The following XKR4 variants were observed in gnomAD, a reference collection of about 807,000 sequenced individuals.
XKR4 encodes the protein XK-related protein 4.
A neutral mutation model predicts 53.9 loss-of-function variants in XKR4; 12 were observed. The ratio of observed to expected loss-of-function variants is 0.22; its 90% CI spans 0.14 to 0.36. The LOEUF is 0.36. Ranked by LOEUF, XKR4 falls within the 10% of genes least tolerant of loss-of-function variation. XKR4 has a pLI of 1.00. For missense variants in XKR4, 799 were observed against 859.5 expected (o/e 0.93, Z 0.88); for synonymous variants, 354 against 362.4 (o/e 0.98, Z 0.26).
intron 2 of XKR4, among the ~76,000 whole-genome samples, chr8:55,407,795 T>G (rs1804709258): frequency 6.6e-6 from 1 of 152,250 alleles, no homozygotes; most frequent in African/African-American, 2.4e-5. Context: ...GCAGTCTCAT[T>G]GAATTTTCTT....
intron 2 of XKR4, among the ~76,000 whole-genome samples, chr8:55,516,923 C>T (rs979079453): frequency 6.6e-6 from 1 of 152,082 alleles, no homozygotes; most frequent in Non-Finnish European, 1.5e-5. Context: ...TACATGTACA[C>T]CATGGAAATA....
chr8:55,251,915 TC>T, intron 1 of XKR4, among the ~76,000 whole-genome samples: 1 of 152,374 alleles, frequency 6.6e-6, no homozygotes, highest in African/African-American at 2.4e-5. Context: ...TAACTTTTTA[TC>T]ATGCATTTGT....
At chr8:55,225,799 A>G (rs1371894342) in intron 1 of XKR4, among the ~76,000 whole-genome samples, 1 of 152,256 alleles carries the variant, frequency 6.6e-6, no homozygotes, top group Non-Finnish European at 1.5e-5. Context: ...ACAGGCGCCA[A>G]CCAGTGAGTG....
intron 2 of XKR4, among the ~76,000 whole-genome samples, chr8:55,449,155 G>GATTGATTT (rs1554526544): frequency 2.0e-5 from 3 of 150,052 alleles, no homozygotes; most frequent in South Asian, 4.2e-4. Context: ...ATTTATTCTA[G>GATTGATTT]ATTTATTTAT....
chr8:55,503,205 G>A (rs888888340), intron 2 of XKR4, among the ~76,000 whole-genome samples: 33 of 151,872 alleles, frequency 2.2e-4, no homozygotes, highest in African/African-American at 7.7e-4. Flanking sequence ...ATTTTAGGAT[G>A]GATTTTTCTA....
intron 1 of XKR4, among the ~76,000 whole-genome samples, chr8:55,113,176 T>A (rs144358865): frequency 2.1e-4 from 32 of 152,254 alleles, no homozygotes; most frequent in African/African-American, 7.2e-4. Context: ...AAGGTTGGGA[T>A]CAAATGAGAA....
At chr8:55,519,881 T>C (rs756471017) in intron 2 of XKR4, among the ~76,000 whole-genome samples, 1 of 152,180 alleles carries the variant, frequency 6.6e-6, no homozygotes, top group Non-Finnish European at 1.5e-5. Context: ...GAGAGGGCAA[T>C]GATAAAGTCA....
intron 1 of XKR4, among the ~76,000 whole-genome samples, chr8:55,288,528 G>A (rs1008188824): frequency 2.6e-5 from 4 of 152,168 alleles, no homozygotes; most frequent in South Asian, 2.1e-4. Flanking sequence ...CTACTAGTAT[G>A]CCAGATAATA....
chr8:55,136,758 A>C (rs1316332041), intron 1 of XKR4, among the ~76,000 whole-genome samples: 1 of 152,234 alleles, frequency 6.6e-6, no homozygotes, highest in African/African-American at 2.4e-5. Context: ...AGATATAAAA[A>C]AAGTGAGAAA....
intron 1 of XKR4, among the ~76,000 whole-genome samples, chr8:55,286,018 G>C (rs1818902885): frequency 6.6e-6 from 1 of 152,204 alleles, no homozygotes; most frequent in Non-Finnish European, 1.5e-5. Context: ...CTCACCTACT[G>C]TGTGTATAAG....
intron 1 of XKR4, among the ~76,000 whole-genome samples, chr8:55,273,878 C>T (rs1326997865): frequency 6.6e-6 from 1 of 152,142 alleles, no homozygotes; most frequent in African/African-American, 2.4e-5. Context: ...CTTGATGAAT[C>T]GGTTCTGTCT....
rs930008010 is a variant in XKR4 at position 55,525,199 on chromosome 8, G to C, written c.*972G>C. 4 of 152,610 alleles carry C rather than the reference G, an allele frequency of 2.6e-5. No homozygotes were observed. Among genetic ancestry groups the C allele is most frequent in the Admixed American group, 2.6e-4 (4 of 15,284 alleles). The allele number at this position is 152,610 out of a possible 1,614,324, so 9.5% of individuals were successfully genotyped here. On this transcript the variant is annotated 3_prime_UTR_variant, in exon 3 of 3. Coordinates refer to ENST00000327381, the MANE Select transcript of XKR4 (RefSeq NM_052898.2). ...AGACGCAGAATGAGTGGCTCTGTGT[G>C]ACCATAGGCAGATGCTGACTCTGGA...
intron 1 of XKR4, among the ~76,000 whole-genome samples, chr8:55,106,765 G>T (rs367728962): frequency 7.9e-5 from 12 of 152,284 alleles, no homozygotes; most frequent in African/African-American, 2.6e-4. Flanking sequence ...GTGGATGGTA[G>T]AGTGGGGAGC....
At chr8:55,125,449 G>T (rs1402216777) in intron 1 of XKR4, among the ~76,000 whole-genome samples, 1 of 152,128 alleles carries the variant, frequency 6.6e-6, no homozygotes, top group African/African-American at 2.4e-5. Flanking sequence ...GGTCAGGCTG[G>T]TCTCAAACTC....
At chr8:55,142,059 C>G in intron 1 of XKR4, 1 of 455,804 alleles carries the variant, frequency 2.2e-6, no homozygotes, top group South Asian at 1.5e-5. Context: ...CCCCCAACAG[C>G]CTTGCAGCCT....
At chr8:55,409,236 G>A (rs894201432) in intron 2 of XKR4, among the ~76,000 whole-genome samples, 2 of 148,452 alleles carry the variant, frequency 1.3e-5, no homozygotes, top group South Asian at 2.2e-4. Flanking sequence ...CAGCAAGCAG[G>A]CACCTGCCTG....
At chr8:55,491,074 C>T (rs1450936176) in intron 2 of XKR4, among the ~76,000 whole-genome samples, 1 of 152,074 alleles carries the variant, frequency 6.6e-6, no homozygotes, top group African/African-American at 2.4e-5. Flanking sequence ...CCTATGTATT[C>T]AAGCTCACTG....
At chr8:55,128,735 CAACA>C (rs762304297) in intron 1 of XKR4, among the ~76,000 whole-genome samples, 3 of 152,190 alleles carry the variant, frequency 2.0e-5, no homozygotes, top group South Asian at 2.1e-4. Flanking sequence ...TTGACCTGTG[CAACA>C]AACAGACAGA....
chr8:55,120,969 T>TGTA (rs1237637048), intron 1 of XKR4, among the ~76,000 whole-genome samples: 1 of 152,216 alleles, frequency 6.6e-6, no homozygotes, highest in Non-Finnish European at 1.5e-5. Context: ...TCATATAGTA[T>TGTA]GTAGCCTTTG....
Sources: allele counts gnomAD v4.1 joint callset (sites outside exome capture counted in the v4.1 genomes callset), GRCh38; gene constraint gnomAD v4.1.1; transcripts MANE v1.5; gene names NCBI Gene and HGNC (gene_info 2026-07-23, HGNC 2026-07-21).